Variants in TGFBR3 observed in about 807,000 individuals in gnomAD.
The protein encoded by TGFBR3 is transforming growth factor beta receptor type 3.
In TGFBR3, 46 loss-of-function variants were observed where a neutral mutation model predicts 87.9. That is an observed-to-expected ratio of 0.52 (90% CI 0.41 to 0.67). The LOEUF (loss-of-function observed/expected upper bound fraction) is 0.67. Ranked by LOEUF, TGFBR3 falls within the 30% of genes least tolerant of loss-of-function variation. The pLI is 0.00. For missense variants in TGFBR3, 866 were observed against 1,041.9 expected (o/e 0.83, Z 2.32); for synonymous variants, 381 against 391.6 (o/e 0.97, Z 0.32).
chr1:91,904,288 ATTTT>A (rs1285182606), intron 1 of TGFBR3, among the ~76,000 whole-genome samples: 1 of 126,088 alleles, frequency 7.9e-6, no homozygotes, highest in Non-Finnish European at 1.7e-5. Context: ...CAGGGCTTGG[ATTTT>A]TTTTTTTTTT....
chr1:91,823,288 A>C (rs962985744), intron 2 of TGFBR3, among the ~76,000 whole-genome samples: 1 of 152,218 alleles, frequency 6.6e-6, no homozygotes, highest in Non-Finnish European at 1.5e-5. Context: ...CTGTATTAAA[A>C]CCAACATAGG....
intron 16 of TGFBR3, among the ~76,000 whole-genome samples, chr1:91,686,416 T>G (rs536802923): frequency 1.8e-4 from 28 of 152,288 alleles, no homozygotes; most frequent in Admixed American, 9.2e-4. Context: ...ATAAGTCAAG[T>G]TAACCTAATA....
At chr1:91,700,792 A>T (rs1325858078) in intron 14 of TGFBR3, among the ~76,000 whole-genome samples, 3 of 152,194 alleles carry the variant, frequency 2.0e-5, no homozygotes, top group African/African-American at 4.8e-5. Flanking sequence ...GTTTTGCAAT[A>T]GACAAAAAGC....
intron 14 of TGFBR3, among the ~76,000 whole-genome samples, chr1:91,701,570 G>A (rs1238882961): frequency 4.6e-5 from 7 of 152,058 alleles, no homozygotes; most frequent in East Asian, 1.9e-4. Context: ...TTTCATATAC[G>A]CTGAGCAAAT....
chr1:91,745,813 C>A (rs529996951), intron 4 of TGFBR3, among the ~76,000 whole-genome samples: 16 of 152,276 alleles, frequency 1.1e-4, no homozygotes, highest in African/African-American at 3.4e-4. Context: ...AACTTCCATG[C>A]CTGTGAACCT....
chr1:91,691,643 A>G (rs527326418), intron 16 of TGFBR3, among the ~76,000 whole-genome samples: 2 of 152,376 alleles, frequency 1.3e-5, no homozygotes, highest in East Asian at 3.9e-4. Context: ...TACATGACAC[A>G]GGACATCCAC....
At chr1:91,807,308 G>T (rs1041365277) in intron 2 of TGFBR3, among the ~76,000 whole-genome samples, 2 of 152,028 alleles carry the variant, frequency 1.3e-5, no homozygotes, top group Non-Finnish European at 2.9e-5. Flanking sequence ...TTTCTCAGGG[G>T]GAAAAAAACT....
At position 91,885,961 on chromosome 1, in the gene TGFBR3, G is replaced by T. The variant is rs1557763168; in HGVS notation, c.-197C>A. 9 of 451,450 alleles carry T rather than the reference G, an allele frequency of 2.0e-5. No homozygotes were observed. The highest frequency in any genetic ancestry group is 7.0e-4 in the Middle Eastern group (1 of 1,430). The allele number at this position is 451,450 out of a possible 1,614,324, so 28.0% of individuals were successfully genotyped here. On this transcript the variant is annotated 5_prime_UTR_variant, in exon 1 of 17. Coordinates refer to ENST00000212355, the MANE Select transcript of TGFBR3 (RefSeq NM_003243.5). ...CAAGTTTCCCCGCCCAGCGCTCGGC[G>T]GCGGCGAGCTCCGGCAGCTGCTGCG...
intron 1 of TGFBR3, among the ~76,000 whole-genome samples, chr1:91,872,230 T>G (rs1051587383): frequency 6.6e-6 from 1 of 152,172 alleles, no homozygotes; most frequent in African/African-American, 2.4e-5. Context: ...ATACAAATTA[T>G]GTACTTCATT....
chr1:91,884,729 T>C (rs1243458096), intron 1 of TGFBR3, among the ~76,000 whole-genome samples: 2 of 152,242 alleles, frequency 1.3e-5, no homozygotes, highest in East Asian at 1.9e-4. Context: ...GTGCACACAG[T>C]ATGGGCTTAG....
At chr1:91,733,449 A>G (rs1672845244) in intron 5 of TGFBR3, among the ~76,000 whole-genome samples, 1 of 152,218 alleles carries the variant, frequency 6.6e-6, no homozygotes, top group South Asian at 2.1e-4. Context: ...TTCTGCACGT[A>G]GCATCCTCTC....
chr1:91,843,171 C>T (rs1557739866), intron 2 of TGFBR3, among the ~76,000 whole-genome samples: 1 of 152,108 alleles, frequency 6.6e-6, no homozygotes. Context: ...TGAATGTGTA[C>T]CCCCCTAAAA....
intron 2 of TGFBR3, among the ~76,000 whole-genome samples, chr1:91,811,888 C>CTT (rs754451265): frequency 9.8e-4 from 139 of 141,534 alleles, no homozygotes; most frequent in African/African-American, 3.2e-3. Context: ...GCTGATTTCC[C>CTT]TTTTTTTTTT....
chr1:91,745,424 A>T (rs1019453388), intron 4 of TGFBR3, among the ~76,000 whole-genome samples: 4 of 152,234 alleles, frequency 2.6e-5, no homozygotes, highest in African/African-American at 9.6e-5. Flanking sequence ...GAAAAGACAC[A>T]CGGTAAAGGA....
At position 91,886,150 on chromosome 1, in the gene TGFBR3, T is replaced by A. The variant is rs537116060; in HGVS notation, c.-386A>T. 3.5e-5 allele frequency: 16 copies of A among 454,016 alleles called. No individual in the cohort carries two copies. Among genetic ancestry groups the A allele is most frequent in the African/African-American group, 3.2e-4 (16 of 50,122 alleles). The allele number at this position is 454,016 out of a possible 1,614,324, so 28.1% of individuals were successfully genotyped here. ...CGCTCGGCGTCCCCGAAACCCTCGA[T>A]TACCCCCATCAGGCCGACCCGGCGC... On this transcript the variant is annotated 5_prime_UTR_variant, in exon 1 of 17. Coordinates refer to ENST00000212355, the MANE Select transcript of TGFBR3 (RefSeq NM_003243.5).
chr1:91,872,695 TTTTC>T (rs1324465940), intron 1 of TGFBR3, among the ~76,000 whole-genome samples: 4 of 152,152 alleles, frequency 2.6e-5, no homozygotes, highest in African/African-American at 9.7e-5. Flanking sequence ...TCCCTAGCTC[TTTTC>T]TTTAACGTTG....
chr1:91,683,707 G>C lies in TGFBR3; in HGVS notation c.*32C>G. ...GCAGTAGCTGAGCTGAGCTGGGCTG[G>C]GCTGGGTTGGGCCGGGTTGGGCTGG... On this transcript the variant is annotated 3_prime_UTR_variant, in exon 17 of 17. Coordinates refer to ENST00000212355, the MANE Select transcript of TGFBR3 (RefSeq NM_003243.5). The C allele has an allele frequency of 6.6e-7, 1 of 1,517,128 alleles. No individual in the cohort carries two copies. Among genetic ancestry groups the C allele is most frequent in the Non-Finnish European group, 8.9e-7 (1 of 1,129,850 alleles). The allele number at this position is 1,517,128 out of a possible 1,614,324, so 94.0% of individuals were successfully genotyped here.
chr1:91,868,609 G>A, intron 1 of TGFBR3, among the ~76,000 whole-genome samples: 1 of 152,154 alleles, frequency 6.6e-6, no homozygotes, highest in African/African-American at 2.4e-5. Flanking sequence ...AACTTGGTCT[G>A]GCACTGCCAC....
chr1:91,734,426 T>TCCATCAGTCATCACCTCCTTCCCACA (rs1672885054), intron 5 of TGFBR3, among the ~76,000 whole-genome samples: 1 of 152,196 alleles, frequency 6.6e-6, no homozygotes. Context: ...GCTCTTCCAC[T>TCCATCAGTCATCACCTCCTTCCCACA]CCATCAGTCA....
Sources: gnomAD v4.1 joint callset for allele counts (sites outside exome capture counted in the v4.1 genomes callset) on GRCh38, gnomAD v4.1.1 for gene constraint, MANE v1.5 for transcripts, NCBI Gene and HGNC (gene_info 2026-07-23, HGNC 2026-07-21) for gene names.